DPF3: variants seen among roughly 807,000 people sequenced by gnomAD.
The protein encoded by DPF3 is double PHD fingers 3, also known as zinc finger protein DPF3.
Under a neutral mutation model 56.8 loss-of-function variants are expected in DPF3, and 18 were observed. The observed-to-expected ratio is 0.32, with a 90% CI of 0.22 to 0.47. The LOEUF (loss-of-function observed/expected upper bound fraction) is 0.47. Ranked by LOEUF, DPF3 falls within the 20% of genes least tolerant of loss-of-function variation. The probability of loss-of-function intolerance (pLI) is 1.00; values close to 1 mark genes in which losing one functional copy is unlikely to be tolerated. For synonymous variants in DPF3, 188 were observed against 180.2 expected (o/e 1.04, Z -0.35); for missense variants, 403 against 488.8 (o/e 0.82, Z 1.65).
intron 1 of DPF3, among the ~76,000 whole-genome samples, chr14:72,810,088 T>A (rs531730637): frequency 6.6e-6 from 1 of 152,316 alleles, no homozygotes; most frequent in Non-Finnish European, 1.5e-5. Context: ...TACAAATGCC[T>A]TCTTCCATAG....
chr14:72,816,447 T>G (rs1883288783), intron 1 of DPF3, among the ~76,000 whole-genome samples: 1 of 152,288 alleles, frequency 6.6e-6, no homozygotes, highest in South Asian at 2.1e-4. Context: ...TGAGGTACTT[T>G]CTTATACAGC....
intron 1 of DPF3, among the ~76,000 whole-genome samples, chr14:72,827,159 G>C (rs959611609): frequency 6.6e-6 from 1 of 151,890 alleles, no homozygotes; most frequent in Non-Finnish European, 1.5e-5. Flanking sequence ...CATGTGCCAT[G>C]TTCCGCTTGG....
intron 8 of DPF3, among the ~76,000 whole-genome samples, chr14:72,650,647 C>T (rs1034014117): frequency 3.3e-5 from 5 of 152,028 alleles, no homozygotes; most frequent in Admixed American, 3.3e-4. Context: ...AGGTGCACAC[C>T]CCATAGGTAC....
intron 1 of DPF3, among the ~76,000 whole-genome samples, chr14:72,865,549 G>C (rs1358387230): frequency 6.6e-6 from 1 of 152,100 alleles, no homozygotes; most frequent in African/African-American, 2.4e-5. Context: ...GAGATGGAAA[G>C]GGTTTTCAGG....
At chr14:72,708,634 C>T (rs1002245295) in intron 6 of DPF3, among the ~76,000 whole-genome samples, 3 of 152,186 alleles carry the variant, frequency 2.0e-5, no homozygotes, top group Non-Finnish European at 4.4e-5. Context: ...ATCTAACTCT[C>T]CCTGCTGCAC....
chr14:72,674,149 C>G, intron 8 of DPF3, 91 bp downstream of exon 8: 1 of 1,468,238 alleles, frequency 6.8e-7, no homozygotes, highest in South Asian at 1.5e-5. Flanking sequence ...TCGCTTCCCT[C>G]TCCAGTCTCC....
intron 8 of DPF3, among the ~76,000 whole-genome samples, chr14:72,640,404 C>T (rs568398945): frequency 2.0e-5 from 3 of 152,230 alleles, no homozygotes; most frequent in African/African-American, 7.2e-5. Flanking sequence ...TCACTAAATC[C>T]ATCTATTCAA....
intron 6 of DPF3, among the ~76,000 whole-genome samples, chr14:72,709,386 G>C (rs902161202): frequency 2.0e-5 from 3 of 152,090 alleles, no homozygotes; most frequent in Admixed American, 1.3e-4. Flanking sequence ...CGTAGTTGGG[G>C]GGCAGTGATT....
intron 3 of DPF3, among the ~76,000 whole-genome samples, chr14:72,750,184 G>A (rs1890507872): frequency 1.3e-5 from 2 of 152,206 alleles, no homozygotes; most frequent in African/African-American, 4.8e-5. Context: ...TCAATAGTAT[G>A]AGGAAGCAGA....
intron 1 of DPF3, 117 bp from the exon 2 acceptor site, chr14:72,772,010 A>T: frequency 8.5e-7 from 1 of 1,173,154 alleles, no homozygotes. Context: ...CCCAGTTATG[A>T]AGACCAAGGC....
intron 3 of DPF3, among the ~76,000 whole-genome samples, chr14:72,738,154 G>T (rs558858559): frequency 6.6e-6 from 1 of 152,122 alleles, no homozygotes; most frequent in Non-Finnish European, 1.5e-5. Flanking sequence ...TGGGGAGGGG[G>T]ATCAGAGACC....
intron 1 of DPF3, among the ~76,000 whole-genome samples, chr14:72,887,977 A>G (rs1365181649): frequency 6.6e-6 from 1 of 152,212 alleles, no homozygotes; most frequent in Non-Finnish European, 1.5e-5. Context: ...ACAACTAAAA[A>G]AAAACCTTTT....
At chr14:72,892,437 T>A in intron 1 of DPF3, 1 of 1,448,726 alleles carries the variant, frequency 6.9e-7, no homozygotes, top group Middle Eastern at 2.5e-4. Flanking sequence ...CTGATCAGCC[T>A]CAGCTTCCAA....
At chr14:72,766,722 G>T (rs1255180963) in intron 2 of DPF3, among the ~76,000 whole-genome samples, 1 of 152,218 alleles carries the variant, frequency 6.6e-6, no homozygotes. Flanking sequence ...AAAGTGCTGG[G>T]ATTACAGGCA....
At chr14:72,661,399 A>T in intron 8 of DPF3, 5 of 985,242 alleles carry the variant, frequency 5.1e-6, no homozygotes, top group Non-Finnish European at 6.0e-6. Context: ...TAACACTGTG[A>T]CTCAAGGACC....
intron 1 of DPF3, among the ~76,000 whole-genome samples, chr14:72,873,099 G>A (rs1885966244): frequency 6.6e-6 from 1 of 152,096 alleles, no homozygotes; most frequent in African/African-American, 2.4e-5. Context: ...AAGAGCTTCT[G>A]CACAGCAAAA....
intron 1 of DPF3, among the ~76,000 whole-genome samples, chr14:72,818,599 C>T (rs1883393932): frequency 6.6e-6 from 1 of 152,188 alleles, no homozygotes; most frequent in Non-Finnish European, 1.5e-5. Flanking sequence ...ACTGCTTGAG[C>T]CCACGAGTTC....
At chr14:72,844,761 G>C (rs898417750) in intron 1 of DPF3, among the ~76,000 whole-genome samples, 1 of 152,206 alleles carries the variant, frequency 6.6e-6, no homozygotes, top group African/African-American at 2.4e-5. Flanking sequence ...CTGTGCATTT[G>C]ACACTTTGTG....
chr14:72,854,377 A>G (rs1214752816), intron 1 of DPF3, among the ~76,000 whole-genome samples: 1 of 152,176 alleles, frequency 6.6e-6, no homozygotes, highest in African/African-American at 2.4e-5. Flanking sequence ...AAAAAAAAAG[A>G]AAAAACAAAT....
Sources: allele counts gnomAD v4.1 joint callset (sites outside exome capture counted in the v4.1 genomes callset), GRCh38; gene constraint gnomAD v4.1.1; transcripts MANE v1.5; gene names NCBI Gene and HGNC (gene_info 2026-07-23, HGNC 2026-07-21).